ANK1: variants seen among roughly 807,000 people sequenced by gnomAD.
ANK1 encodes the protein ankyrin 1.
ANK1 carries 51 observed loss-of-function variants against 210.4 expected under a neutral mutation model. The ratio of observed to expected loss-of-function variants is 0.24; its 90% CI spans 0.19 to 0.31. ANK1 has a LOEUF of 0.31. Among genes scored for constraint, ANK1 ranks in the 10% least tolerant of loss-of-function variants. ANK1 has a pLI of 1.00. For missense variants in ANK1, 2,051 were observed against 2,504.4 expected (o/e 0.82, Z 3.86); for synonymous variants, 967 against 1,025.9 (o/e 0.94, Z 1.10).
chr8:41,701,982 G>T lies in ANK1; in HGVS notation c.2388+70C>A. Reference sequence around the variant, plus strand: ...CCCCAGAACGCACCCCACTTCCAGAGTAACCCCAGGCACGCCTGTGCGCCA... The same window carrying T: ...CCCCAGAACGCACCCCACTTCCAGATTAACCCCAGGCACGCCTGTGCGCCA... On this transcript the variant is annotated intron_variant, in intron 21 of 42. Transcript: ENST00000289734. 2.0e-6 allele frequency: 3 copies of T among 1,515,630 alleles called. No homozygotes were observed. In the South Asian group the frequency reaches 3.4e-5, roughly 17 times the overall value. 93.9% of individuals were successfully genotyped at this position (1,515,630 alleles called of 1,614,324 possible).
intron 42 of ANK1, chr8:41,660,423 G>T (rs1325740275): frequency 2.1e-6 from 1 of 469,694 alleles, no homozygotes; most frequent in Non-Finnish European, 4.4e-6. Context: ...CTCACCTCCT[G>T]CTGACTCCCA....
intron 37 of ANK1, among the ~76,000 whole-genome samples, chr8:41,675,984 A>G (rs575395115): frequency 6.6e-6 from 1 of 152,350 alleles, no homozygotes; most frequent in Non-Finnish European, 1.5e-5. Flanking sequence ...GCCCTTTGGA[A>G]GGATATATCA....
At chr8:41,844,689 T>C (rs1809680217) in intron 1 of ANK1, among the ~76,000 whole-genome samples, 1 of 152,182 alleles carries the variant, frequency 6.6e-6, no homozygotes, top group South Asian at 2.1e-4. Context: ...AGAGACGTGG[T>C]AATGAACAAA....
chr8:41,751,034 T>G (rs562804697), intron 2 of ANK1, among the ~76,000 whole-genome samples: 3 of 152,276 alleles, frequency 2.0e-5, no homozygotes, highest in Admixed American at 6.5e-5. Context: ...ATCTGACAAT[T>G]GTAGGAATTC....
At chr8:41,685,992 G>T (rs1269632458) in intron 36 of ANK1, among the ~76,000 whole-genome samples, 160 bp downstream of exon 36, 2 of 152,212 alleles carry the variant, frequency 1.3e-5, no homozygotes, top group African/African-American at 4.8e-5. Context: ...TGGCAGGACT[G>T]CCTGGAAGAC....
At chr8:41,713,064 C>T (rs529908588) in intron 16 of ANK1, among the ~76,000 whole-genome samples, 14 of 152,316 alleles carry the variant, frequency 9.2e-5, no homozygotes, top group Admixed American at 3.9e-4. Flanking sequence ...GAGAACGCGC[C>T]GAAGCCCTGC....
intron 1 of ANK1, among the ~76,000 whole-genome samples, chr8:41,772,588 A>G (rs1042300207): frequency 6.6e-6 from 1 of 152,240 alleles, no homozygotes; most frequent in Non-Finnish European, 1.5e-5. Context: ...TCAGGATCCC[A>G]AGAAATCTCA....
chr8:41,824,220 C>A (rs892257359), intron 1 of ANK1, among the ~76,000 whole-genome samples: 2 of 152,166 alleles, frequency 1.3e-5, no homozygotes, highest in Non-Finnish European at 2.9e-5. Context: ...CCGCCTCGGC[C>A]TCCCAAAGTG....
intron 1 of ANK1, among the ~76,000 whole-genome samples, chr8:41,762,228 C>T (rs1840653421): frequency 6.6e-6 from 1 of 152,218 alleles, no homozygotes; most frequent in Admixed American, 6.5e-5. Context: ...GGCCCTGAAG[C>T]TCCATCTCCC....
At chr8:41,752,558 C>G (rs1426242978) in intron 2 of ANK1, among the ~76,000 whole-genome samples, 1 of 152,170 alleles carries the variant, frequency 6.6e-6, no homozygotes, top group Non-Finnish European at 1.5e-5. Flanking sequence ...CAGCTCTGCT[C>G]TTGACTCCTC....
chr8:41,729,047 A>T (rs2150665043), intron 3 of ANK1, among the ~76,000 whole-genome samples: 1 of 152,358 alleles, frequency 6.6e-6, no homozygotes, highest in African/African-American at 2.4e-5. Flanking sequence ...AGTGGAGCGG[A>T]CAAAGAGATG....
intron 24 of ANK1, chr8:41,697,782 G>A: frequency 1.8e-6 from 1 of 555,990 alleles, no homozygotes; most frequent in Non-Finnish European, 3.3e-6. Context: ...GTTTCTCACT[G>A]CTGCTGTCCT....
rs139384745 is a variant in ANK1 at position 41,690,301 on chromosome 8, G to A, written c.4030C>T (p.Arg1344Cys). The A allele has an allele frequency of 2.5e-5, 41 of 1,614,106 alleles. No individual in the cohort carries two copies. The highest frequency in any genetic ancestry group is 6.7e-5 in the Admixed American group (4 of 60,012). The part of the protein sequence containing the change: ...REPGGSLSFL[R>C]KAMKYEDTQH... ...GTGTCCTCGTACTTCATCGCCTTGC[G>A]CAGAAACGACAGGGACCCTCCCGGC... Residue 1344 changes from arginine to cysteine, a missense_variant, in exon 33 of 43, where the codon CGC (arginine) becomes TGC (cysteine). Coordinates refer to ENST00000289734, the MANE Select transcript of ANK1 (RefSeq NM_000037.4).
At chr8:41,753,635 C>A (rs1336513045) in intron 2 of ANK1, among the ~76,000 whole-genome samples, 1 of 152,150 alleles carries the variant, frequency 6.6e-6, no homozygotes, top group Non-Finnish European at 1.5e-5. Context: ...ATGATCCTGT[C>A]ACCCAGGTAG....
At position 41,693,824 on chromosome 8, in the gene ANK1, C is replaced by G. The variant is rs905227903; in HGVS notation, c.3532+74G>C. 1.3e-5 allele frequency: 19 copies of G among 1,506,938 alleles called. No homozygotes were observed. The Admixed American group carries it at 1.6e-4, about 12-fold the overall frequency. The allele number at this position is 1,506,938 out of a possible 1,614,324, so 93.3% of individuals were successfully genotyped here. A position where few individuals can be genotyped will look rare whatever the true frequency, so the allele number is the denominator to read the frequency against. ...AAGGGGATTGCTGGCCTCGCCTTCT[C>G]GAGTCACCCCCCTACTGTGTTCCAG... On this transcript the variant is annotated intron_variant, in intron 29 of 42. Transcript: ENST00000289734.
chr8:41,774,199 C>T (rs990908487), intron 1 of ANK1, among the ~76,000 whole-genome samples: 7 of 152,160 alleles, frequency 4.6e-5, no homozygotes, highest in African/African-American at 7.2e-5. Flanking sequence ...AAGCACCACT[C>T]AATACATGTT....
chr8:41,767,551 C>T (rs1243807104), intron 1 of ANK1, among the ~76,000 whole-genome samples: 1 of 152,204 alleles, frequency 6.6e-6, no homozygotes, highest in African/African-American at 2.4e-5. Flanking sequence ...CGCCAGCCTG[C>T]CGCTAATGGG....
chr8:41,774,472 TG>T (rs1474861697), intron 1 of ANK1, among the ~76,000 whole-genome samples: 2 of 152,254 alleles, frequency 1.3e-5, no homozygotes, highest in Non-Finnish European at 2.9e-5. Context: ...TGTCCTCTTC[TG>T]GGCAGGGAAG....
At chr8:41,665,071 A>G (rs1585853398) in intron 39 of ANK1, 1 of 1,599,908 alleles carries the variant, frequency 6.3e-7, no homozygotes, top group South Asian at 1.1e-5. Context: ...GGCCCCGGCC[A>G]CCACGGGGGG....
Sources: gnomAD v4.1 joint callset for allele counts (sites outside exome capture counted in the v4.1 genomes callset) on GRCh38, gnomAD v4.1.1 for gene constraint, MANE v1.5 for transcripts, NCBI Gene and HGNC (gene_info 2026-07-23, HGNC 2026-07-21) for gene names.